Variants in MYO1B observed in about 807,000 individuals in gnomAD.
MYO1B encodes the protein myosin IB.
A neutral mutation model predicts 159.7 loss-of-function variants in MYO1B; 72 were observed. The ratio of observed to expected loss-of-function variants is 0.45; its 90% CI spans 0.37 to 0.55. The LOEUF (loss-of-function observed/expected upper bound fraction) is 0.55. Ranked by LOEUF, MYO1B falls within the 20% of genes least tolerant of loss-of-function variation. The pLI is 0.00. For synonymous variants in MYO1B, 468 were observed against 473.8 expected (o/e 0.99, Z 0.16); for missense variants, 1,062 against 1,364.8 (o/e 0.78, Z 3.50).
intron 3 of MYO1B, among the ~76,000 whole-genome samples, chr2:191,318,238 T>C (rs749873504): frequency 6.6e-6 from 1 of 152,108 alleles, no homozygotes; most frequent in Non-Finnish European, 1.5e-5. Context: ...TCCAGGGAAA[T>C]GAGCCAGGAA....
chr2:191,369,000 TTGAG>T (rs1285910627), intron 11 of MYO1B, among the ~76,000 whole-genome samples: 1 of 152,012 alleles, frequency 6.6e-6, no homozygotes, highest in Non-Finnish European at 1.5e-5. Context: ...TAAAAAAAGA[TTGAG>T]TGAAGAAAAA....
intron 13 of MYO1B, chr2:191,381,220 A>G (rs1452765754): frequency 1.9e-6 from 1 of 526,052 alleles, no homozygotes; most frequent in Non-Finnish European, 3.5e-6. Context: ...TCTGTCAACT[A>G]AAAGTCTTCA....
At chr2:191,262,449 A>T (rs1021462175) in intron 1 of MYO1B, among the ~76,000 whole-genome samples, 2 of 152,144 alleles carry the variant, frequency 1.3e-5, no homozygotes, top group Non-Finnish European at 1.5e-5. Flanking sequence ...ATTGTGCTCA[A>T]AATCATTTTG....
intron 12 of MYO1B, 24 bp downstream of exon 12, chr2:191,369,652 T>G (rs1461960203): frequency 1.9e-6 from 3 of 1,556,406 alleles, no homozygotes; most frequent in Admixed American, 3.4e-5. Flanking sequence ...ATGAGCAAAA[T>G]CAGTTGTAAT....
chr2:191,365,821 A>G (rs1237113070), intron 11 of MYO1B, among the ~76,000 whole-genome samples: 2 of 152,232 alleles, frequency 1.3e-5, no homozygotes, highest in African/African-American at 2.4e-5. Context: ...AGCTGTAGAT[A>G]TGTAAAGAGG....
At chr2:191,248,426 A>T (rs942722132) in intron 1 of MYO1B, among the ~76,000 whole-genome samples, 7 of 152,198 alleles carry the variant, frequency 4.6e-5, no homozygotes, top group African/African-American at 1.7e-4. Context: ...ACCGAACCTT[A>T]AATGTGTCCA....
At chr2:191,352,165 T>C (rs1364605081) in intron 7 of MYO1B, among the ~76,000 whole-genome samples, 1 of 152,186 alleles carries the variant, frequency 6.6e-6, no homozygotes, top group African/African-American at 2.4e-5. Context: ...TTAGGAAGAC[T>C]CTTTTTACAA....
At chr2:191,413,283 T>G (rs1426006081) in intron 27 of MYO1B, among the ~76,000 whole-genome samples, 1 of 152,192 alleles carries the variant, frequency 6.6e-6, no homozygotes, top group Non-Finnish European at 1.5e-5. Flanking sequence ...TTAAACATGC[T>G]CAGCACACTT....
chr2:191,409,220 T>C, intron 26 of MYO1B, 42 bp downstream of exon 26: 1 of 1,578,076 alleles, frequency 6.3e-7, no homozygotes, highest in Non-Finnish European at 8.6e-7. Context: ...ACTTTCTTAT[T>C]TATTTTGAGT....
intron 4 of MYO1B, among the ~76,000 whole-genome samples, chr2:191,337,725 A>G (rs770167375): frequency 2.0e-5 from 3 of 152,184 alleles, no homozygotes; most frequent in Non-Finnish European, 2.9e-5. Flanking sequence ...TTGATTCTAA[A>G]CAATGCTGTT....
At chr2:191,262,055 A>G (rs1285119893) in intron 1 of MYO1B, among the ~76,000 whole-genome samples, 1 of 152,104 alleles carries the variant, frequency 6.6e-6, no homozygotes, top group Non-Finnish European at 1.5e-5. Flanking sequence ...CCTCTGTCAA[A>G]TTAGTTTCCC....
At chr2:191,252,020 A>AT (rs1686155428) in intron 1 of MYO1B, among the ~76,000 whole-genome samples, 1 of 152,166 alleles carries the variant, frequency 6.6e-6, no homozygotes, top group South Asian at 2.1e-4. Flanking sequence ...CTAACTGATC[A>AT]TTTTTTCCCT....
intron 20 of MYO1B, among the ~76,000 whole-genome samples, chr2:191,395,660 C>G (rs1696026308): frequency 1.3e-5 from 2 of 152,240 alleles, no homozygotes; most frequent in African/African-American, 2.4e-5. Flanking sequence ...GTAAGAAAGG[C>G]CTCTGGGCAT....
intron 20 of MYO1B, among the ~76,000 whole-genome samples, chr2:191,395,671 T>C (rs969743264): frequency 2.6e-5 from 4 of 152,188 alleles, no homozygotes; most frequent in African/African-American, 9.6e-5. Context: ...CTCTGGGCAT[T>C]GAGCTTGTTG....
At chr2:191,370,572 A>G (rs572475197) in intron 13 of MYO1B, among the ~76,000 whole-genome samples, 1 of 152,228 alleles carries the variant, frequency 6.6e-6, no homozygotes, top group South Asian at 2.1e-4. Flanking sequence ...AGTACTGCTT[A>G]AAAAGAACTC....
chr2:191,385,601 T>C (rs1426966592), intron 15 of MYO1B, among the ~76,000 whole-genome samples: 1 of 152,140 alleles, frequency 6.6e-6, no homozygotes, highest in East Asian at 1.9e-4. Flanking sequence ...ATCATCAGGC[T>C]AAGGTGTCTG....
intron 1 of MYO1B, among the ~76,000 whole-genome samples, chr2:191,264,412 G>T (rs1687003257): frequency 6.6e-6 from 1 of 151,712 alleles, no homozygotes; most frequent in African/African-American, 2.4e-5. Context: ...CATTACCAAA[G>T]CTTCACTGTT....
intron 18 of MYO1B, among the ~76,000 whole-genome samples, chr2:191,390,723 AGG>A (rs1286882103): frequency 1.3e-5 from 2 of 152,232 alleles, no homozygotes; most frequent in Non-Finnish European, 2.9e-5. Flanking sequence ...AATATGCCCA[AGG>A]TAGGTTCGTA....
At chr2:191,327,746 A>G (rs566114982) in intron 3 of MYO1B, among the ~76,000 whole-genome samples, 1 of 152,240 alleles carries the variant, frequency 6.6e-6, no homozygotes, top group African/African-American at 2.4e-5. Context: ...AGAGACAGAG[A>G]TCAGTGCACA....
Sources: allele counts gnomAD v4.1 joint callset (sites outside exome capture counted in the v4.1 genomes callset), GRCh38; gene constraint gnomAD v4.1.1; transcripts MANE v1.5; gene names NCBI Gene and HGNC (gene_info 2026-07-23, HGNC 2026-07-21).